NPAS3: variants seen among roughly 807,000 people sequenced by gnomAD.
NPAS3 encodes neuronal PAS domain protein 3.
A neutral mutation model predicts 73.1 loss-of-function variants in NPAS3; 14 were observed. That is an observed-to-expected ratio of 0.19 (90% CI 0.13 to 0.30). The LOEUF (loss-of-function observed/expected upper bound fraction) is 0.30. Ranked by LOEUF, NPAS3 falls within the 10% of genes least tolerant of loss-of-function variation. The probability of loss-of-function intolerance (pLI) is 1.00; values close to 1 mark genes in which losing one functional copy is unlikely to be tolerated. For missense variants in NPAS3, 1,096 were observed against 1,250.0 expected, an observed-to-expected ratio of 0.88 and a Z score of 1.86; for synonymous variants, 620 against 541.5, an observed-to-expected ratio of 1.14 and a Z score of -2.01.
chr14:33,673,484 G>T (rs1352562237), intron 5 of NPAS3, among the ~76,000 whole-genome samples: 1 of 152,222 alleles, frequency 6.6e-6, no homozygotes, highest in Non-Finnish European at 1.5e-5. Flanking sequence ...ATGTGCCAAA[G>T]TGGGACACAA....
chr14:33,762,467 C>G (rs186119896), intron 7 of NPAS3, among the ~76,000 whole-genome samples: 40 of 152,166 alleles, frequency 2.6e-4, no homozygotes, highest in Admixed American at 2.4e-3. Context: ...TTTCAGGGAA[C>G]TTTCAGGTTA....
chr14:33,116,644 G>A (rs989617505), intron 2 of NPAS3, among the ~76,000 whole-genome samples: 9 of 152,150 alleles, frequency 5.9e-5, no homozygotes, highest in South Asian at 2.1e-4. Flanking sequence ...ACTGGTGGAC[G>A]TGAATTTACT....
intron 4 of NPAS3, among the ~76,000 whole-genome samples, chr14:33,493,095 C>A (rs1214996081): frequency 6.6e-6 from 1 of 152,116 alleles, no homozygotes; most frequent in Non-Finnish European, 1.5e-5. Flanking sequence ...TGCGCAAAAA[C>A]CATCTGGTTC....
chr14:33,438,142 CAT>C (rs764407825), intron 4 of NPAS3, among the ~76,000 whole-genome samples: 1 of 152,132 alleles, frequency 6.6e-6, no homozygotes, highest in Non-Finnish European at 1.5e-5. Flanking sequence ...AATGTGACTT[CAT>C]GTGAAATTTC....
chr14:33,517,776 G>A (rs759378410), intron 4 of NPAS3, among the ~76,000 whole-genome samples: 78 of 152,038 alleles, frequency 5.1e-4, no homozygotes, highest in African/African-American at 1.7e-3. Context: ...TCTAGTTCCC[G>A]CCCCCAGGCC....
intron 2 of NPAS3, among the ~76,000 whole-genome samples, chr14:33,189,905 T>C (rs1050605281): frequency 6.6e-6 from 1 of 152,232 alleles, no homozygotes; most frequent in Non-Finnish European, 1.5e-5. Flanking sequence ...TGAGTCTATA[T>C]TGTTTTGGTC....
intron 4 of NPAS3, among the ~76,000 whole-genome samples, chr14:33,531,366 A>T (rs1434881378): frequency 6.6e-6 from 1 of 152,010 alleles, no homozygotes; most frequent in Non-Finnish European, 1.5e-5. Context: ...TATCACCCTT[A>T]CCCCAACCCC....
In NPAS3 at chr14:33,800,443, C is replaced by T. The variant is rs756041180; in HGVS notation, c.2136C>T (p.Pro712=). 7 of 1,569,046 alleles carry T rather than the reference C, an allele frequency of 4.5e-6. No homozygotes were observed. The highest frequency in any genetic ancestry group is 4.8e-5 in the East Asian group (2 of 41,412). ...GCGGGGGGCTGCACGTGGCCATTCC[C>T]GACTCGGTCCTCACCCCGCCCGGCG... Residue 712 remains proline, a synonymous_variant, in exon 12 of 12, where the codon CCC becomes CCT. Coordinates refer to ENST00000356141, the Ensembl canonical transcript of NPAS3. The surrounding 1 kb of genome is among the most constrained non-coding windows in gnomAD (Gnocchi z 6.5).
chr14:33,235,432 T>C (rs918748326), intron 3 of NPAS3, among the ~76,000 whole-genome samples: 1 of 152,134 alleles, frequency 6.6e-6, no homozygotes, highest in Non-Finnish European at 1.5e-5. Flanking sequence ...TTAAGCATAA[T>C]GTAGGTTATA....
At chr14:33,334,476 T>C (rs2044124732) in intron 3 of NPAS3, among the ~76,000 whole-genome samples, 1 of 152,174 alleles carries the variant, frequency 6.6e-6, no homozygotes, top group Non-Finnish European at 1.5e-5. Context: ...TGTAATCTTA[T>C]AAGATGTAGT....
chr14:33,257,348 A>G (rs1042956816), intron 3 of NPAS3, among the ~76,000 whole-genome samples: 8 of 152,106 alleles, frequency 5.3e-5, no homozygotes, highest in African/African-American at 1.2e-4. Flanking sequence ...AGGGTTCTCC[A>G]GGCCTTGGGC....
chr14:33,088,547 G>A (rs992762624), intron 2 of NPAS3, among the ~76,000 whole-genome samples: 5 of 152,174 alleles, frequency 3.3e-5, no homozygotes, highest in Non-Finnish European at 7.4e-5. Context: ...CAGGAAACTC[G>A]AACTGGGTGG....
intron 3 of NPAS3, among the ~76,000 whole-genome samples, chr14:33,246,704 G>C (rs1239339043): frequency 6.7e-6 from 1 of 149,020 alleles, no homozygotes; most frequent in Non-Finnish European, 1.5e-5. Context: ...TAATGAAATA[G>C]TAGGCAGGCC....
chr14:33,702,908 A>G (rs137909919), intron 6 of NPAS3, among the ~76,000 whole-genome samples: 2,542 of 152,266 alleles, frequency 0.017, 56 homozygotes, highest in African/African-American at 0.058. Context: ...CTGGGTGTGA[A>G]ATATCCACCT....
intron 2 of NPAS3, among the ~76,000 whole-genome samples, chr14:33,087,253 T>C (rs1194979650): frequency 6.8e-6 from 1 of 146,606 alleles, no homozygotes; most frequent in Non-Finnish European, 1.5e-5. Context: ...TTGTACAATA[T>C]TGTACAATAT....
At chr14:33,087,185 TATA>T in intron 2 of NPAS3, among the ~76,000 whole-genome samples, 1 of 119,752 alleles carries the variant, frequency 8.4e-6, no homozygotes, top group South Asian at 3.1e-4. Context: ...TAGTATACAA[TATA>T]ATATTGTATA....
At chr14:33,172,534 G>A (rs534035013) in intron 2 of NPAS3, among the ~76,000 whole-genome samples, 24 of 152,124 alleles carry the variant, frequency 1.6e-4, no homozygotes, top group Admixed American at 5.2e-4. Context: ...TTAGGAATTC[G>A]AGGCTATCCT....
chr14:33,439,317 G>A (rs1053513226), intron 4 of NPAS3, among the ~76,000 whole-genome samples: 1 of 152,148 alleles, frequency 6.6e-6, no homozygotes, highest in Non-Finnish European at 1.5e-5. Context: ...TGTTCCCAGG[G>A]GGCAAATATG....
intron 4 of NPAS3, among the ~76,000 whole-genome samples, chr14:33,443,272 TAAA>T (rs1299585340): frequency 6.6e-6 from 1 of 150,928 alleles, no homozygotes. Flanking sequence ...GAAACTCTGT[TAAA>T]AAAGGAAAAA....
Sources: allele counts gnomAD v4.1 joint callset (sites outside exome capture counted in the v4.1 genomes callset), GRCh38; gene constraint gnomAD v4.1.1; non-coding constraint Gnocchi (gnomAD v3.1); transcripts MANE v1.5; gene names NCBI Gene and HGNC (gene_info 2026-07-23, HGNC 2026-07-21).